DUSP8: variants seen among roughly 807,000 people sequenced by gnomAD.
The protein encoded by DUSP8 is dual specificity phosphatase 8.
In DUSP8, 15 loss-of-function variants were observed where a neutral mutation model predicts 38.7. The ratio of observed to expected loss-of-function variants is 0.39; its 90% CI spans 0.26 to 0.60. The LOEUF (loss-of-function observed/expected upper bound fraction) is 0.60, where lower values mean the gene tolerates loss of function less well. DUSP8 is among the 20% of genes least tolerant of loss of function. The pLI is 0.56. For missense variants in DUSP8, 768 were observed against 915.0 expected, an observed-to-expected ratio of 0.84 and a Z score of 2.07; for synonymous variants, 458 against 433.9, an observed-to-expected ratio of 1.06 and a Z score of -0.69.
At chr11:1,562,421 C>T (rs777845835) in intron 3 of DUSP8, among the ~76,000 whole-genome samples, 1 of 152,190 alleles carries the variant, frequency 6.6e-6, no homozygotes, top group Non-Finnish European at 1.5e-5. Flanking sequence ...CCCCGCCCCC[C>T]ACCAGTTCAG....
intron 1 of DUSP8, among the ~76,000 whole-genome samples, chr11:1,567,735 G>A (rs1848825274): frequency 6.6e-6 from 1 of 152,208 alleles, no homozygotes; most frequent in Non-Finnish European, 1.5e-5. Context: ...AGGGCCTCAG[G>A]ATCCCACTCA....
chr11:1,571,372 G>A (rs947069622), intron 1 of DUSP8: 2 of 152,250 alleles, frequency 1.3e-5, no homozygotes, highest in Non-Finnish European at 1.5e-5. Context: ...TGGACACTGG[G>A]GGGATGGATC....
intron 1 of DUSP8, among the ~76,000 whole-genome samples, chr11:1,570,720 A>G (rs1564938756): frequency 6.6e-6 from 1 of 152,172 alleles, no homozygotes; most frequent in Non-Finnish European, 1.5e-5. Context: ...ATGATCTGCC[A>G]TCCGCATCCA....
chr11:1,556,514 G>A lies in DUSP8; in HGVS notation c.*4C>T, dbSNP rs1723567770. The A allele has an allele frequency of 1.5e-5, 18 of 1,239,918 alleles. No homozygotes were observed. The highest frequency in any genetic ancestry group is 1.8e-5 in the Non-Finnish European group (18 of 991,360). 76.8% of individuals were successfully genotyped at this position (1,239,918 alleles called of 1,614,324 possible). A position where few individuals can be genotyped will look rare whatever the true frequency, so the allele number is the denominator to read the frequency against. ...GGGCGGCGGGGCCGAGGGCAGCGGA[G>A]GGGTCAGGACACCTCGATGACCTCC... On this transcript the variant is annotated 3_prime_UTR_variant, in exon 7 of 7. Coordinates refer to ENST00000397374, the MANE Select transcript of DUSP8 (RefSeq NM_004420.3). This position sits in a 1 kb window ranked among gnomAD's most constrained non-coding sequence, Gnocchi z 5.2.
intron 2 of DUSP8, among the ~76,000 whole-genome samples, chr11:1,564,766 G>A (rs138319221): frequency 1.4e-4 from 22 of 152,364 alleles, no homozygotes; most frequent in Non-Finnish European, 2.6e-4. Context: ...GATTCCCCTT[G>A]TTGGAAACCA....
chr11:1,560,627 C>G (rs181584331), intron 3 of DUSP8, among the ~76,000 whole-genome samples: 3 of 152,200 alleles, frequency 2.0e-5, no homozygotes, highest in Non-Finnish European at 4.4e-5. Flanking sequence ...GACTTGTCAC[C>G]AACGACGCCC....
chr11:1,569,841 G>A (rs928283923), intron 1 of DUSP8, among the ~76,000 whole-genome samples: 1 of 152,178 alleles, frequency 6.6e-6, no homozygotes, highest in Non-Finnish European at 1.5e-5. Flanking sequence ...GAGCTGTCCG[G>A]CTCACTGTTA....
Position 1,555,414 on chromosome 11 carries a change from A to C in DUSP8, c.*1104T>G, listed in dbSNP as rs1848606373. ...TGGCGCCTGAACTCCCTGTGTGAGC[A>C]GCACCTGCTCACAGAGCCCCTCAGC... On this transcript the variant is annotated 3_prime_UTR_variant, in exon 7 of 7. Coordinates refer to ENST00000397374, the MANE Select transcript of DUSP8 (RefSeq NM_004420.3). 1 of 986,198 alleles carries C rather than the reference A, an allele frequency of 1.0e-6. No individual in the cohort carries two copies. Among genetic ancestry groups the C allele is most frequent in the Admixed American group, 6.2e-5 (1 of 16,234 alleles). 61.1% of individuals were successfully genotyped at this position (986,198 alleles called of 1,614,324 possible).
intron 1 of DUSP8, among the ~76,000 whole-genome samples, chr11:1,571,006 C>T (rs1848881920): frequency 6.6e-6 from 1 of 151,828 alleles, no homozygotes; most frequent in South Asian, 2.1e-4. Flanking sequence ...CCCCCTCCTC[C>T]ATCCCACAGT....
intron 3 of DUSP8, among the ~76,000 whole-genome samples, chr11:1,563,573 AG>A (rs768965499): frequency 3.7e-4 from 56 of 152,204 alleles, no homozygotes; most frequent in Non-Finnish European, 6.0e-4. Flanking sequence ...GGCTTCTGAC[AG>A]GAGCTCCGGG....
At chr11:1,564,754 C>T (rs1025263959) in intron 2 of DUSP8, among the ~76,000 whole-genome samples, 2 of 152,216 alleles carry the variant, frequency 1.3e-5, no homozygotes, top group African/African-American at 2.4e-5. Flanking sequence ...CATTAATCAC[C>T]AGATTCCCCT....
chr11:1,555,747 G>C lies in DUSP8; in HGVS notation c.*771C>G, dbSNP rs1848611556. ...CACTCTGTGGCTGGACTGGGGCTCT[G>C]GCAGGAGTTGGGGGCACTAACACCT... On this transcript the variant is annotated 3_prime_UTR_variant, in exon 7 of 7. Coordinates refer to ENST00000397374, the MANE Select transcript of DUSP8 (RefSeq NM_004420.3). 1 of 152,540 alleles carries C rather than the reference G, an allele frequency of 6.6e-6. No individual in the cohort carries two copies. Among genetic ancestry groups the C allele is most frequent in the Non-Finnish European group, 1.5e-5 (1 of 68,326 alleles). 9.4% of individuals were successfully genotyped at this position (152,540 alleles called of 1,614,324 possible). A position where few individuals can be genotyped will look rare whatever the true frequency, so the allele number is the denominator to read the frequency against.
At chr11:1,559,163 A>T (rs1848681365) in intron 3 of DUSP8, 108 bp from the exon 4 acceptor site, 4 of 1,168,036 alleles carry the variant, frequency 3.4e-6, no homozygotes, top group Non-Finnish European at 4.7e-6. Flanking sequence ...AGGATCAGTC[A>T]CACCCAGCCC....
Position 1,558,000 on chromosome 11 carries a change from C to T in DUSP8, c.698-83G>A. On this transcript the variant is annotated intron_variant, in intron 5 of 6. Transcript: ENST00000397374. This position sits in a 1 kb window ranked among gnomAD's most constrained non-coding sequence, Gnocchi z 9.9. ...GCCCAGGTAGGGGACCCCACCCGCC[C>T]AACTGCCAACAGTTCCGGCTACTTC... 1 of 1,610,100 alleles carries T rather than the reference C, an allele frequency of 6.2e-7. No individual in the cohort carries two copies. Among genetic ancestry groups the T allele is most frequent in the Non-Finnish European group, 8.5e-7 (1 of 1,177,730 alleles).
intron 2 of DUSP8, among the ~76,000 whole-genome samples, chr11:1,565,171 T>A (rs1848783336): frequency 6.6e-6 from 1 of 152,138 alleles, no homozygotes; most frequent in South Asian, 2.1e-4. Flanking sequence ...CTCACAGCAG[T>A]GGAAGTGGAC....
chr11:1,561,566 G>A (rs1848717426), intron 3 of DUSP8, among the ~76,000 whole-genome samples: 1 of 152,254 alleles, frequency 6.6e-6, no homozygotes, highest in Non-Finnish European at 1.5e-5. Context: ...GAGCAGCGCA[G>A]CTGGAGTGGG....
At chr11:1,563,758 GC>G in intron 3 of DUSP8, 92 bp downstream of exon 3, 4 of 1,318,900 alleles carry the variant, frequency 3.0e-6, no homozygotes, top group Non-Finnish European at 4.0e-6. Context: ...ATCCCCCCGT[GC>G]CCAGCGGACA....
chr11:1,565,886 G>A lies in DUSP8; in HGVS notation c.-60C>T, dbSNP rs955900983. 4.2e-6 allele frequency: 6 copies of A among 1,441,708 alleles called. No homozygotes were observed. The Admixed American group carries it at 6.8e-5, about 16-fold the overall frequency. The allele number at this position is 1,441,708 out of a possible 1,614,324, so 89.3% of individuals were successfully genotyped here. On this transcript the variant is annotated 5_prime_UTR_variant, in exon 2 of 7. Transcript: ENST00000397374. ...GAAGTGAGGAGGGGCTGCTCCGACGGCCCAGGTGTGGCCTCGCGCTGGGAG... is the reference window on the plus strand; with the variant it reads ...GAAGTGAGGAGGGGCTGCTCCGACGACCCAGGTGTGGCCTCGCGCTGGGAG...
intron 1 of DUSP8, 33 bp from the exon 2 acceptor site, chr11:1,565,967 CG>C: frequency 1.4e-6 from 1 of 723,482 alleles, no homozygotes; most frequent in Non-Finnish European, 2.3e-6. Context: ...AGCAGTGCTG[CG>C]GGCCCCTGGG....
Sources: allele counts gnomAD v4.1 joint callset (sites outside exome capture counted in the v4.1 genomes callset), GRCh38; gene constraint gnomAD v4.1.1; non-coding constraint Gnocchi (gnomAD v3.1); transcripts MANE v1.5; gene names NCBI Gene and HGNC (gene_info 2026-07-23, HGNC 2026-07-21).